Variants in GNG7 observed in about 807,000 individuals in gnomAD.
The protein encoded by GNG7 is guanine nucleotide-binding protein G(I)/G(S)/G(O) subunit gamma-7.
Under a neutral mutation model 4.0 loss-of-function variants are expected in GNG7, and 1 was observed. That is an observed-to-expected ratio of 0.25 (90% CI 0.09 to 1.18). The LOEUF (loss-of-function observed/expected upper bound fraction) is 1.18, where lower values mean the gene tolerates loss of function less well. Ranked by LOEUF, GNG7 falls within the 50% of genes most tolerant of loss-of-function variation. The pLI, the probability that GNG7 is intolerant of heterozygous loss-of-function variation, is 0.50. For synonymous variants in GNG7, 34 were observed against 36.9 expected, an observed-to-expected ratio of 0.92 and a Z score of 0.29; for missense variants, 86 against 91.9, an observed-to-expected ratio of 0.94 and a Z score of 0.26.
At chr19:2,602,929 T>G (rs1432762189) in intron 2 of GNG7, among the ~76,000 whole-genome samples, 1 of 97,720 alleles carries the variant, frequency 1.0e-5, no homozygotes. Flanking sequence ...TTCTTTTTGT[T>G]TCTTCCTTTC....
intron 2 of GNG7, among the ~76,000 whole-genome samples, chr19:2,619,186 C>T (rs189978638): frequency 1.7e-4 from 26 of 152,304 alleles, no homozygotes; most frequent in Admixed American, 1.6e-3. Context: ...TTGGAATAAT[C>T]GTCAGGACCA....
At chr19:2,661,308 GAA>G (rs1983164027) in intron 1 of GNG7, among the ~76,000 whole-genome samples, 1 of 129,304 alleles carries the variant, frequency 7.7e-6, no homozygotes, top group Non-Finnish European at 1.6e-5. Context: ...GAAAGAGAAA[GAA>G]AGAAAGAAAG....
At chr19:2,540,607 T>C (rs1978928398) in intron 3 of GNG7, among the ~76,000 whole-genome samples, 1 of 151,854 alleles carries the variant, frequency 6.6e-6, no homozygotes, top group African/African-American at 2.4e-5. Context: ...CCTGGGGTGG[T>C]TGGAGATTTT....
intron 3 of GNG7, among the ~76,000 whole-genome samples, chr19:2,526,209 A>G (rs1978390199): frequency 6.6e-6 from 1 of 151,486 alleles, no homozygotes; most frequent in Non-Finnish European, 1.5e-5. Context: ...TGATCTTGTG[A>G]TCCGCCTGCC....
At chr19:2,578,758 G>GC (rs1980415780) in intron 2 of GNG7, among the ~76,000 whole-genome samples, 1 of 152,238 alleles carries the variant, frequency 6.6e-6, no homozygotes, top group African/African-American at 2.4e-5. Context: ...CTGCCAGGAA[G>GC]CCCCCCAACA....
In GNG7 at chr19:2,557,203, GCATGCACACACAGACACA is replaced by G. The variant is rs1193017589; in HGVS notation, c.-77-2033_-77-2016del. 9.1e-4 allele frequency among the ~76,000 whole-genome samples: 137 copies of G among 150,812 alleles called. No individual in the cohort carries two copies. Among genetic ancestry groups the G allele is most frequent in the African/African-American group, 2.8e-3 (116 of 40,922 alleles). ...ACACAAGACACGTGCACACACATTT[GCATGCACACACAGACACA>G]CATGCACACACAGACGCACATGTGC... On this transcript the variant is annotated intron_variant, in intron 2 of 4. Coordinates refer to ENST00000382159, the MANE Select transcript of GNG7 (RefSeq NM_052847.3). This position sits in a 1 kb window ranked among gnomAD's most constrained non-coding sequence, Gnocchi z 5.1.
intron 1 of GNG7, among the ~76,000 whole-genome samples, chr19:2,663,143 G>A (rs1218334425): frequency 6.6e-6 from 1 of 152,178 alleles, no homozygotes; most frequent in African/African-American, 2.4e-5. Flanking sequence ...GCAAAGGGAA[G>A]GAAGGGCTGA....
At chr19:2,668,608 G>A (rs907313289) in intron 1 of GNG7, among the ~76,000 whole-genome samples, 4 of 152,174 alleles carry the variant, frequency 2.6e-5, no homozygotes, top group African/African-American at 4.8e-5. Context: ...CGGCATCCAG[G>A]CAGCGCTCAA....
At chr19:2,588,951 T>C (rs1980758091) in intron 2 of GNG7, among the ~76,000 whole-genome samples, 1 of 152,148 alleles carries the variant, frequency 6.6e-6, no homozygotes, top group Non-Finnish European at 1.5e-5. Context: ...TTCTTTAAGA[T>C]GGAGTCTCCC....
At position 2,696,839 on chromosome 19, in the gene GNG7, G is replaced by A. The variant is rs538755758; in HGVS notation, c.-135+5807C>T. 1.1e-4 allele frequency among the ~76,000 whole-genome samples: 16 copies of A among 152,250 alleles called. No homozygotes were observed. In the East Asian group the frequency reaches 2.7e-3, roughly 26 times the overall value. On this transcript the variant is annotated intron_variant, in intron 1 of 4. Transcript: ENST00000382159. ...GAGAGTCCCCCTCATGGGGACAAAA[G>A]ATTTTACTAGGTGATGGAATGTTTT...
intron 2 of GNG7, among the ~76,000 whole-genome samples, chr19:2,613,116 G>C (rs1981621973): frequency 6.6e-6 from 1 of 152,014 alleles, no homozygotes; most frequent in South Asian, 2.1e-4. Flanking sequence ...GTGTTTAAGG[G>C]ACGTGGAAAA....
chr19:2,597,565 C>T (rs1212663866), intron 2 of GNG7, among the ~76,000 whole-genome samples: 2 of 151,198 alleles, frequency 1.3e-5, no homozygotes, highest in East Asian at 3.9e-4. Flanking sequence ...CCACTGCACT[C>T]CAGCCTGGGT....
chr19:2,602,960 CTCTT>C (rs148115180), intron 2 of GNG7, among the ~76,000 whole-genome samples: 12,941 of 143,888 alleles, frequency 0.09, 1,861 homozygotes, highest in African/African-American at 0.31. Context: ...TCTTTTCTTT[CTCTT>C]TCTTTCTTTC....
chr19:2,575,860 C>T (rs1980314195), intron 2 of GNG7, among the ~76,000 whole-genome samples: 1 of 150,612 alleles, frequency 6.6e-6, no homozygotes, highest in Non-Finnish European at 1.5e-5. Flanking sequence ...CACGCAGGCA[C>T]ACGCAGACAC....
At chr19:2,688,980 G>A (rs1413485969) in intron 1 of GNG7, among the ~76,000 whole-genome samples, 2 of 151,564 alleles carry the variant, frequency 1.3e-5, no homozygotes, top group Non-Finnish European at 2.9e-5. Context: ...TGGGAGGATC[G>A]CTTGAGCCCA....
chr19:2,602,901 C>CTTTCTCTCTTTCT (rs1555697046), intron 2 of GNG7, among the ~76,000 whole-genome samples: 7 of 148,844 alleles, frequency 4.7e-5, no homozygotes, highest in Admixed American at 1.3e-4. Flanking sequence ...TTCTCTTTTT[C>CTTTCTCTCTTTCT]TTTCTTTCTT....
chr19:2,650,758 G>A (rs756968481), intron 1 of GNG7, among the ~76,000 whole-genome samples: 1 of 152,220 alleles, frequency 6.6e-6, no homozygotes, highest in Non-Finnish European at 1.5e-5. Flanking sequence ...GACCTTCAGC[G>A]GCTCACTCAG....
intron 1 of GNG7, among the ~76,000 whole-genome samples, chr19:2,686,805 A>G (rs1221738256): frequency 6.8e-6 from 1 of 146,976 alleles, no homozygotes; most frequent in Admixed American, 6.9e-5. Flanking sequence ...AGGGTGGAGT[A>G]CAGTGGCACG....
At chr19:2,675,691 A>G (rs1983576351) in intron 1 of GNG7, among the ~76,000 whole-genome samples, 3 of 152,080 alleles carry the variant, frequency 2.0e-5, no homozygotes, top group Non-Finnish European at 4.4e-5. Context: ...GGGGGTCTCA[A>G]TGGGGCGGGG....
Sources: allele counts gnomAD v4.1 joint callset (sites outside exome capture counted in the v4.1 genomes callset), GRCh38; gene constraint gnomAD v4.1.1; non-coding constraint Gnocchi (gnomAD v3.1); transcripts MANE v1.5; gene names NCBI Gene and HGNC (gene_info 2026-07-23, HGNC 2026-07-21).